The following LRMDA variants were observed in gnomAD, a reference collection of about 807,000 sequenced individuals.
The protein encoded by LRMDA is leucine rich melanocyte differentiation associated.
In LRMDA, 18 loss-of-function variants were observed where a neutral mutation model predicts 29.8. The observed-to-expected ratio is 0.60, with a 90% CI of 0.42 to 0.90. LRMDA has a LOEUF of 0.90. LRMDA is among the 40% of genes least tolerant of loss of function. The pLI is 0.00. For synonymous variants in LRMDA, 125 were observed against 109.4 expected (o/e 1.14, Z -0.89); for missense variants, 273 against 273.9 (o/e 1.00, Z 0.02).
Position 75,756,195 on chromosome 10 carries a change from T to C in LRMDA, c.132-279813T>C, listed in dbSNP as rs1471129686. On this transcript the variant is annotated intron_variant, in intron 2 of 6. Transcript: ENST00000611255. ...AATCCTTGGTTTTTAGTTGGGATAGTGCCACCCTTGTAACTGTTTCCTTGC... is the reference window on the plus strand; with the variant it reads ...AATCCTTGGTTTTTAGTTGGGATAGCGCCACCCTTGTAACTGTTTCCTTGC... Among the ~76,000 whole-genome samples, 3 of 152,356 alleles carry C rather than the reference T, an allele frequency of 2.0e-5. No homozygotes were observed. The East Asian group carries it at 5.8e-4, about 29-fold the overall frequency.
intron 5 of LRMDA, among the ~76,000 whole-genome samples, chr10:76,085,961 C>T (rs559879074): frequency 1.8e-3 from 273 of 152,344 alleles, no homozygotes; most frequent in African/African-American, 6.4e-3. Context: ...GGATCAGTCA[C>T]CAACTCCTCC....
Position 76,537,477 on chromosome 10 carries a change from A to G in LRMDA, c.602-19732A>G, listed in dbSNP as rs779677371. On this transcript the variant is annotated intron_variant, in intron 6 of 6. Transcript: ENST00000611255. ...TCATTGAGCTAAAATTCAGGTGCCA[A>G]TGGGGTTGTACTTCTTTCTGGAGGC... Among the ~76,000 whole-genome samples, 31 of 152,274 alleles carry G rather than the reference A, an allele frequency of 2.0e-4. 1 individual carries two copies. The highest frequency in any genetic ancestry group is 6.8e-3 in the Middle Eastern group (2 of 294).
chr10:75,894,959 G>A (rs1845558562), intron 2 of LRMDA, among the ~76,000 whole-genome samples: 14 of 152,186 alleles, frequency 9.2e-5, no homozygotes, highest in Admixed American at 9.2e-4. Context: ...TGAGAAACTG[G>A]TTAAGTAAAT....
intron 2 of LRMDA, among the ~76,000 whole-genome samples, chr10:75,613,315 T>C (rs1429581309): frequency 6.6e-6 from 1 of 152,124 alleles, no homozygotes; most frequent in East Asian, 1.9e-4. Context: ...TGCAGATAGC[T>C]ACTAGCCAAG....
intron 6 of LRMDA, among the ~76,000 whole-genome samples, chr10:76,546,670 T>C (rs535690737): frequency 7.2e-5 from 11 of 152,188 alleles, no homozygotes; most frequent in Non-Finnish European, 1.3e-4. Context: ...GTAACTCCAA[T>C]TTGTGTTTAC....
chr10:75,856,314 T>G (rs1331075239), intron 2 of LRMDA, among the ~76,000 whole-genome samples: 2 of 152,194 alleles, frequency 1.3e-5, no homozygotes, highest in Admixed American at 6.5e-5. Flanking sequence ...GGTATTTTAT[T>G]TTCTTTGAAG....
chr10:76,098,374 G>A (rs7922747), intron 5 of LRMDA, among the ~76,000 whole-genome samples: 64,971 of 151,934 alleles, frequency 0.43, 14,407 homozygotes, highest in Non-Finnish European at 0.46. Context: ...TCTTTAATTG[G>A]CAGAGGGCTA....
chr10:76,000,831 G>A (rs1847550743), intron 2 of LRMDA, among the ~76,000 whole-genome samples: 1 of 152,156 alleles, frequency 6.6e-6, no homozygotes, highest in African/African-American at 2.4e-5. Flanking sequence ...ATGTGAATAG[G>A]CAGGGAGCAG....
At chr10:75,798,629 G>A (rs1843694793) in intron 2 of LRMDA, among the ~76,000 whole-genome samples, 2 of 151,946 alleles carry the variant, frequency 1.3e-5, no homozygotes, top group South Asian at 4.2e-4. Context: ...ACTATAATTT[G>A]CGCTGCATCC....
At chr10:76,190,965 T>C (rs1048684940) in intron 5 of LRMDA, among the ~76,000 whole-genome samples, 3 of 152,176 alleles carry the variant, frequency 2.0e-5, no homozygotes, top group African/African-American at 7.2e-5. Flanking sequence ...ACATAATTGT[T>C]GTATGTAACC....
At position 76,062,654 on chromosome 10, in the gene LRMDA, C is replaced by CTGTGTGTGTGTG. The variant is rs1369528064; in HGVS notation, c.516+3872_516+3873insGTGTGTGTGTGT. Among the ~76,000 whole-genome samples the CTGTGTGTGTGTG allele has an allele frequency of 2.5e-3, 344 of 136,402 alleles. 1 individual carries two copies. Among genetic ancestry groups the CTGTGTGTGTGTG allele is most frequent in the Non-Finnish European group, 3.6e-3 (231 of 64,406 alleles). 89.5% of individuals were successfully genotyped at this position (136,402 alleles called of 152,430 possible). A position where few individuals can be genotyped will look rare whatever the true frequency, so the allele number is the denominator to read the frequency against. ...CAATGGATGCTTCCAGACTTTATCT[C>CTGTGTGTGTGTG]TCTGTGTGTGTGTGTGTGTGTGTGT... On this transcript the variant is annotated intron_variant, in intron 5 of 6. Transcript: ENST00000611255.
chr10:75,959,989 G>A (rs1846735010), intron 2 of LRMDA, among the ~76,000 whole-genome samples: 1 of 152,170 alleles, frequency 6.6e-6, no homozygotes, highest in African/African-American at 2.4e-5. Context: ...TTCTAACACA[G>A]GTTTAGTTTG....
At chr10:75,718,038 A>T (rs1052284370) in intron 2 of LRMDA, among the ~76,000 whole-genome samples, 1 of 152,284 alleles carries the variant, frequency 6.6e-6, no homozygotes, top group East Asian at 1.9e-4. Flanking sequence ...AGTGCTTTGT[A>T]ATCTGCTTTT....
At chr10:76,171,696 T>C (rs1183339632) in intron 5 of LRMDA, among the ~76,000 whole-genome samples, 1 of 152,198 alleles carries the variant, frequency 6.6e-6, no homozygotes, top group East Asian at 1.9e-4. Flanking sequence ...CTTTAGGGCA[T>C]AGCACCAACG....
chr10:76,206,604 T>C (rs1427660587), intron 5 of LRMDA, among the ~76,000 whole-genome samples: 1 of 152,208 alleles, frequency 6.6e-6, no homozygotes, highest in Admixed American at 6.5e-5. Context: ...TGAATGCCTT[T>C]TGTGGGACTC....
chr10:75,818,962 T>C (rs1222089751), intron 2 of LRMDA, among the ~76,000 whole-genome samples: 1 of 152,250 alleles, frequency 6.6e-6, no homozygotes, highest in Non-Finnish European at 1.5e-5. Flanking sequence ...TTGTATTTTC[T>C]ATTTGCTAAA....
At chr10:76,180,394 C>G (rs1397174443) in intron 5 of LRMDA, among the ~76,000 whole-genome samples, 1 of 150,586 alleles carries the variant, frequency 6.6e-6, no homozygotes, top group Non-Finnish European at 1.5e-5. Context: ...ATTTTCCTCC[C>G]TCAGCCTCCC....
intron 2 of LRMDA, among the ~76,000 whole-genome samples, chr10:75,692,575 G>A (rs1273699807): frequency 8.3e-5 from 7 of 84,120 alleles, no homozygotes; most frequent in African/African-American, 8.3e-4. Flanking sequence ...GTGTGTGTGT[G>A]TGTGTGTGTG....
intron 2 of LRMDA, among the ~76,000 whole-genome samples, chr10:75,497,894 A>G (rs1845065628): frequency 6.6e-6 from 1 of 152,188 alleles, no homozygotes; most frequent in Non-Finnish European, 1.5e-5. Flanking sequence ...GTTTGTATAT[A>G]TATATTTTCA....
Sources: allele counts gnomAD v4.1 joint callset (sites outside exome capture counted in the v4.1 genomes callset), GRCh38; gene constraint gnomAD v4.1.1; transcripts MANE v1.5; gene names NCBI Gene and HGNC (gene_info 2026-07-23, HGNC 2026-07-21).